The following BMPER variants were observed in gnomAD, a reference collection of about 807,000 sequenced individuals.
BMPER encodes the protein BMP-binding endothelial regulator protein.
In BMPER, 45 loss-of-function variants were observed where a neutral mutation model predicts 87.3. The observed-to-expected ratio is 0.52, with a 90% confidence interval of 0.41 to 0.66. BMPER has a LOEUF of 0.66. Ranked by LOEUF, BMPER falls within the 30% of genes least tolerant of loss-of-function variation. The probability of loss-of-function intolerance (pLI) is 0.00; values close to 1 mark genes in which losing one functional copy is unlikely to be tolerated. For missense variants in BMPER, 784 were observed against 867.5 expected (o/e 0.90, Z 1.21); for synonymous variants, 326 against 316.2 (o/e 1.03, Z -0.33).
At chr7:34,146,682 T>A (rs1791031991) in intron 14 of BMPER, among the ~76,000 whole-genome samples, 2 of 152,130 alleles carry the variant, frequency 1.3e-5, no homozygotes, top group African/African-American at 4.8e-5. Flanking sequence ...GTTAAGTAAT[T>A]TGCTGAAAGT....
intron 6 of BMPER, among the ~76,000 whole-genome samples, chr7:33,994,289 C>G (rs1292834309): frequency 2.0e-5 from 3 of 152,218 alleles, no homozygotes; most frequent in Non-Finnish European, 4.4e-5. Flanking sequence ...GGGCGTAGGA[C>G]CCTCCGAGCC....
intron 7 of BMPER, among the ~76,000 whole-genome samples, chr7:34,050,411 C>T (rs940824242): frequency 6.6e-6 from 1 of 152,060 alleles, no homozygotes. Flanking sequence ...AACAAGTTTG[C>T]TCTTGGTGGT....
At chr7:34,096,042 C>T (rs1412266815) in intron 13 of BMPER, among the ~76,000 whole-genome samples, 1 of 152,160 alleles carries the variant, frequency 6.6e-6, no homozygotes, top group African/African-American at 2.4e-5. Flanking sequence ...TCTCTTTCTC[C>T]TCGTCACATC....
chr7:33,907,364 G>A (rs1562622736), intron 2 of BMPER, among the ~76,000 whole-genome samples: 1 of 152,010 alleles, frequency 6.6e-6, no homozygotes, highest in Non-Finnish European at 1.5e-5. Flanking sequence ...CAAACATAAG[G>A]ACAAGATGTA....
chr7:33,973,784 A>G (rs1026253622), intron 5 of BMPER, among the ~76,000 whole-genome samples: 2 of 152,182 alleles, frequency 1.3e-5, no homozygotes, highest in African/African-American at 4.8e-5. Context: ...CTGGTCCAGC[A>G]CCTTGTGAGG....
At chr7:34,149,480 G>A (rs1235028580) in intron 14 of BMPER, among the ~76,000 whole-genome samples, 1 of 152,120 alleles carries the variant, frequency 6.6e-6, no homozygotes, top group African/African-American at 2.4e-5. Flanking sequence ...AAAAGAATCA[G>A]AACTAATGGT....
intron 6 of BMPER, among the ~76,000 whole-genome samples, chr7:34,025,738 C>T (rs1787341442): frequency 6.6e-6 from 1 of 152,002 alleles, no homozygotes; most frequent in Non-Finnish European, 1.5e-5. Flanking sequence ...AGGTCTCAGG[C>T]ATGTTTGCTT....
rs140793669 is a variant in BMPER at position 34,065,676 on chromosome 7, A to G, written c.1078+3629A>G. On this transcript the variant is annotated intron_variant, in intron 11 of 14. Transcript: ENST00000649409. Reference sequence around the variant, plus strand: ...TTCTCTAACCCTGCAAAAAATTATGAAGGCGTAATTATATCTTGAATGATT... The same window carrying G: ...TTCTCTAACCCTGCAAAAAATTATGGAGGCGTAATTATATCTTGAATGATT... Among the ~76,000 whole-genome samples, 311 of 152,310 alleles carry G rather than the reference A, an allele frequency of 2.0e-3. 2 individuals carry two copies. The highest frequency in any genetic ancestry group is 6.9e-3 in the African/African-American group (286 of 41,572).
intron 11 of BMPER, 134 bp from the exon 12 acceptor site, chr7:34,078,723 C>G: frequency 1.1e-6 from 1 of 895,940 alleles, no homozygotes. Context: ...TAAAAACGAC[C>G]ACTTTTTTTT....
At chr7:34,099,615 T>G (rs1012373787) in intron 13 of BMPER, among the ~76,000 whole-genome samples, 2 of 152,210 alleles carry the variant, frequency 1.3e-5, no homozygotes, top group Non-Finnish European at 2.9e-5. Context: ...TCTACTCACA[T>G]TTTTGTTTCT....
At chr7:33,919,771 G>A (rs759168872) in intron 2 of BMPER, among the ~76,000 whole-genome samples, 25 of 152,284 alleles carry the variant, frequency 1.6e-4, no homozygotes, top group Admixed American at 6.5e-4. Flanking sequence ...TAGTTTTGAA[G>A]TTAGATGTCT....
At chr7:34,087,320 G>A (rs537272189) in intron 13 of BMPER, among the ~76,000 whole-genome samples, 5 of 152,102 alleles carry the variant, frequency 3.3e-5, no homozygotes, top group African/African-American at 2.4e-5. Flanking sequence ...GGATCTTAAC[G>A]TGAGACTTTG....
intron 11 of BMPER, among the ~76,000 whole-genome samples, chr7:34,065,684 A>G (rs1244548663): frequency 1.3e-5 from 2 of 152,234 alleles, no homozygotes; most frequent in African/African-American, 4.8e-5. Flanking sequence ...TGAAGGCGTA[A>G]TTATATCTTG....
chr7:34,152,481 G>A (rs1043642687), intron 14 of BMPER, among the ~76,000 whole-genome samples: 2 of 152,122 alleles, frequency 1.3e-5, no homozygotes, highest in African/African-American at 4.8e-5. Flanking sequence ...TGGCTGTGAC[G>A]TGGCAACATC....
At chr7:34,121,133 T>C (rs575038997) in intron 13 of BMPER, among the ~76,000 whole-genome samples, 222 of 152,082 alleles carry the variant, frequency 1.5e-3, no homozygotes, top group East Asian at 1.2e-3. Flanking sequence ...GGAATAGTTA[T>C]TTGCCTTTGG....
chr7:34,146,411 T>C (rs939643679), intron 14 of BMPER, among the ~76,000 whole-genome samples: 4 of 152,124 alleles, frequency 2.6e-5, no homozygotes. Context: ...CCGCCACCTA[T>C]GGCACAAAGG....
intron 3 of BMPER, among the ~76,000 whole-genome samples, chr7:33,963,454 AC>A (rs1417399198): frequency 3.9e-5 from 6 of 152,184 alleles, no homozygotes; most frequent in African/African-American, 1.4e-4. Flanking sequence ...CTAGTAAGTC[AC>A]TTTTATTATA....
At chr7:34,065,209 TC>T (rs1362235941) in intron 11 of BMPER, among the ~76,000 whole-genome samples, 3 of 58,872 alleles carry the variant, frequency 5.1e-5, no homozygotes, top group Non-Finnish European at 1.4e-4. Flanking sequence ...ACTCACTCTC[TC>T]TCTCTCTCTC....
chr7:34,122,595 C>G (rs1365809867), intron 13 of BMPER, among the ~76,000 whole-genome samples: 2 of 152,168 alleles, frequency 1.3e-5, no homozygotes, highest in Non-Finnish European at 2.9e-5. Flanking sequence ...GAAATGTAGA[C>G]TCCTTTTGTT....
Sources: allele counts gnomAD v4.1 joint callset (sites outside exome capture counted in the v4.1 genomes callset), GRCh38; gene constraint gnomAD v4.1.1; transcripts MANE v1.5; gene names NCBI Gene and HGNC (gene_info 2026-07-23, HGNC 2026-07-21).